Variants in AUTS2 observed in about 807,000 individuals in gnomAD.
AUTS2 encodes the protein autism susceptibility gene 2 protein.
A neutral mutation model predicts 112.4 loss-of-function variants in AUTS2; 17 were observed. The ratio of observed to expected loss-of-function variants is 0.15; its 90% confidence interval spans 0.10 to 0.23. The LOEUF is 0.23. Among genes scored for constraint, AUTS2 ranks in the 10% least tolerant of loss-of-function variants. The pLI, the probability that AUTS2 is intolerant of heterozygous loss-of-function variation, is 1.00. For synonymous variants in AUTS2, 751 were observed against 702.7 expected (o/e 1.07, Z -1.09); for missense variants, 1,510 against 1,701.6 (o/e 0.89, Z 1.98).
intron 4 of AUTS2, among the ~76,000 whole-genome samples, chr7:70,369,571 G>A (rs904837359): frequency 6.6e-6 from 1 of 152,112 alleles, no homozygotes; most frequent in African/African-American, 2.4e-5. Flanking sequence ...GGTTTCTAGG[G>A]GAGGCAAGAA....
rs928160220 is a variant in AUTS2 at position 70,792,512 on chromosome 7, A to T, written c.*1516A>T. The T allele has an allele frequency of 2.6e-5, 4 of 151,090 alleles. No homozygotes were observed. The highest frequency in any genetic ancestry group is 9.7e-5 in the African/African-American group (4 of 41,110). The allele number at this position is 151,090 out of a possible 1,614,324, so 9.4% of individuals were successfully genotyped here. On this transcript the variant is annotated 3_prime_UTR_variant, in exon 19 of 19. Transcript: ENST00000342771. The stretch of plus-strand genomic sequence containing the variant: ...CAAAAAAAAAAAAAAAAAAAAGTTA[A>T]CTACAGACCATTGTTTCTAATAAGC...
At chr7:69,762,293 C>CTTTTTTTTTTTTTT (rs534032498) in intron 1 of AUTS2, among the ~76,000 whole-genome samples, 1 of 61,586 alleles carries the variant, frequency 1.6e-5, no homozygotes, top group African/African-American at 6.5e-5. Context: ...GCCAAGTTGT[C>CTTTTTTTTTTTTTT]TTTTTTTTTT....
chr7:69,991,400 C>T (rs969680676), intron 2 of AUTS2, among the ~76,000 whole-genome samples: 14 of 152,166 alleles, frequency 9.2e-5, no homozygotes, highest in Non-Finnish European at 2.1e-4. Flanking sequence ...TAGGACTGTC[C>T]TGTCCATCCT....
At chr7:70,731,454 G>T (rs1328446140) in intron 6 of AUTS2, among the ~76,000 whole-genome samples, 13 of 97,586 alleles carry the variant, frequency 1.3e-4, no homozygotes, top group African/African-American at 5.3e-4. Context: ...TTTTGAGACA[G>T]AGTCTCGCTC....
intron 4 of AUTS2, among the ~76,000 whole-genome samples, chr7:70,376,836 G>A (rs1245886375): frequency 6.6e-6 from 1 of 151,358 alleles, no homozygotes; most frequent in Admixed American, 6.6e-5. Flanking sequence ...AGGAGATGAA[G>A]CTGTCAGTCA....
chr7:70,128,237 C>G (rs1584763571), intron 3 of AUTS2, among the ~76,000 whole-genome samples: 1 of 152,220 alleles, frequency 6.6e-6, no homozygotes, highest in South Asian at 2.1e-4. Flanking sequence ...TTTCAGTTGC[C>G]AAGAAATGTC....
chr7:70,433,789 T>C (rs1795774850), intron 4 of AUTS2, among the ~76,000 whole-genome samples: 1 of 152,226 alleles, frequency 6.6e-6, no homozygotes. Context: ...AGTTCCTAAA[T>C]GCTTTTACTA....
intron 1 of AUTS2, among the ~76,000 whole-genome samples, chr7:69,852,103 G>T (rs1158411393): frequency 6.6e-6 from 1 of 152,138 alleles, no homozygotes; most frequent in African/African-American, 2.4e-5. Flanking sequence ...TTTGATGTTA[G>T]TTGTAGGTTT....
intron 4 of AUTS2, among the ~76,000 whole-genome samples, chr7:70,156,333 G>A (rs1394053818): frequency 6.6e-6 from 1 of 152,176 alleles, no homozygotes; most frequent in Non-Finnish European, 1.5e-5. Flanking sequence ...AGAATGCCCT[G>A]TTTTGGGGAA....
At chr7:70,439,128 A>T (rs1424188704) in intron 5 of AUTS2, among the ~76,000 whole-genome samples, 2 of 152,254 alleles carry the variant, frequency 1.3e-5, no homozygotes, top group African/African-American at 4.8e-5. Flanking sequence ...CAGGAGACAC[A>T]CTTGTGCACA....
intron 1 of AUTS2, among the ~76,000 whole-genome samples, chr7:69,721,600 A>G (rs1026558185): frequency 3.9e-5 from 6 of 152,184 alleles, no homozygotes; most frequent in Admixed American, 3.9e-4. Flanking sequence ...AAGAGCTGAG[A>G]ATGAAGAATA....
intron 4 of AUTS2, among the ~76,000 whole-genome samples, chr7:70,348,018 C>G (rs1791576778): frequency 6.6e-6 from 1 of 152,012 alleles, no homozygotes; most frequent in Non-Finnish European, 1.5e-5. Flanking sequence ...ATGACATGAG[C>G]CAGCAGAGCA....
At chr7:70,339,410 G>A (rs1791153908) in intron 4 of AUTS2, among the ~76,000 whole-genome samples, 1 of 152,168 alleles carries the variant, frequency 6.6e-6, no homozygotes, top group Non-Finnish European at 1.5e-5. Context: ...ATTCAACACA[G>A]AAATATAAGT....
chr7:70,122,238 G>C (rs1805718650), intron 3 of AUTS2, among the ~76,000 whole-genome samples: 1 of 152,082 alleles, frequency 6.6e-6, no homozygotes. Context: ...GTTTCTTTTT[G>C]GGGATGATAA....
At chr7:70,013,616 T>C (rs1285760309) in intron 2 of AUTS2, among the ~76,000 whole-genome samples, 1 of 152,236 alleles carries the variant, frequency 6.6e-6, no homozygotes, top group African/African-American at 2.4e-5. Flanking sequence ...TTTTAATATC[T>C]TAGCTTGCAA....
At chr7:70,569,576 C>A (rs747823049) in intron 5 of AUTS2, among the ~76,000 whole-genome samples, 3 of 152,188 alleles carry the variant, frequency 2.0e-5, no homozygotes, top group African/African-American at 7.2e-5. Flanking sequence ...AGTTTTGACA[C>A]ACTGTCCCAG....
intron 5 of AUTS2, among the ~76,000 whole-genome samples, chr7:70,625,301 A>G (rs1284572540): frequency 6.6e-6 from 1 of 152,216 alleles, no homozygotes; most frequent in East Asian, 1.9e-4. Context: ...AGTAAATAGC[A>G]GGAATGAATG....
intron 2 of AUTS2, among the ~76,000 whole-genome samples, chr7:70,051,350 A>G (rs1308618458): frequency 1.3e-5 from 2 of 152,240 alleles, no homozygotes; most frequent in Non-Finnish European, 1.5e-5. Context: ...TCAGAAAGAA[A>G]TGAGAGAACA....
intron 4 of AUTS2, among the ~76,000 whole-genome samples, chr7:70,246,294 G>T (rs980651014): frequency 1.3e-5 from 2 of 151,956 alleles, no homozygotes; most frequent in African/African-American, 2.4e-5. Context: ...ATTCTTACAT[G>T]TTGTTTTCTA....
Sources: allele counts gnomAD v4.1 joint callset (sites outside exome capture counted in the v4.1 genomes callset), GRCh38; gene constraint gnomAD v4.1.1; transcripts MANE v1.5; gene names NCBI Gene and HGNC (gene_info 2026-07-23, HGNC 2026-07-21).